Variants in BTF3L4 observed in about 807,000 individuals in gnomAD.
BTF3L4 encodes the protein transcription factor BTF3 homolog 4.
BTF3L4 carries 6 observed loss-of-function variants against 16.8 expected under a neutral mutation model. The ratio of observed to expected loss-of-function variants is 0.36; its 90% CI spans 0.20 to 0.71. BTF3L4 has a LOEUF of 0.71. Among genes scored for constraint, BTF3L4 ranks in the 30% least tolerant of loss-of-function variants. The probability of loss-of-function intolerance (pLI) is 0.58; values close to 1 mark genes in which losing one functional copy is unlikely to be tolerated. For missense variants in BTF3L4, 92 were observed against 186.9 expected, an observed-to-expected ratio of 0.49 and a Z score of 2.96; for synonymous variants, 39 against 59.8, an observed-to-expected ratio of 0.65 and a Z score of 1.60.
rs536099635 is a variant in BTF3L4 at position 52,059,964 on chromosome 1, C to T, written c.54+63C>T. 51 of 1,461,320 alleles carry T rather than the reference C, an allele frequency of 3.5e-5. No individual in the cohort carries two copies. The African/African-American group carries it at 5.2e-4, about 15-fold the overall frequency. 90.5% of individuals were successfully genotyped at this position (1,461,320 alleles called of 1,614,324 possible). On this transcript the variant is annotated intron_variant, in intron 2 of 5. Coordinates refer to ENST00000313334, the MANE Select transcript of BTF3L4 (RefSeq NM_152265.5). ...TGATTACCAGATAGTGTTATTATTT[C>T]GGATTTGTGGTCATTGAAAATCTAA...
At position 52,058,749 on chromosome 1, in the gene BTF3L4, G is replaced by A. The variant is rs150277558; in HGVS notation, c.-13-1086G>A. On this transcript the variant is annotated intron_variant, in intron 1 of 5. Transcript: ENST00000313334. ...TCTGAGTAGCTGGGATTACAGGCATGTGCCACCACGCCCGGCTAATTTTGT... is the reference window on the plus strand; with the variant it reads ...TCTGAGTAGCTGGGATTACAGGCATATGCCACCACGCCCGGCTAATTTTGT... 3.2e-3 allele frequency among the ~76,000 whole-genome samples: 485 copies of A among 152,234 alleles called. 5 individuals carry two copies. The highest frequency in any genetic ancestry group is 0.011 in the African/African-American group (460 of 41,540).
rs1350544637 is a variant in BTF3L4 at position 52,060,434 on chromosome 1, C to T, written c.54+533C>T. ...ATATTTTGTTCATTGCCAGGTTTTC[C>T]TCACAAATTCTTACCTGTTCTTCCA... On this transcript the variant is annotated intron_variant, in intron 2 of 5. Transcript: ENST00000313334. 9 of 1,259,660 alleles carry T rather than the reference C, an allele frequency of 7.1e-6. No individual in the cohort carries two copies. The East Asian group carries it at 3.4e-4, about 48-fold the overall frequency. The allele number at this position is 1,259,660 out of a possible 1,614,324, so 78.0% of individuals were successfully genotyped here.
intron 2 of BTF3L4, among the ~76,000 whole-genome samples, chr1:52,061,487 CAAA>C (rs1169709967): frequency 2.9e-4 from 14 of 48,154 alleles, no homozygotes; most frequent in African/African-American, 6.9e-4. Context: ...GACTCCGTCT[CAAA>C]AAAAAAAAAA....
chr1:52,079,477 G>A (rs1228167029), intron 3 of BTF3L4, among the ~76,000 whole-genome samples: 1 of 151,762 alleles, frequency 6.6e-6, no homozygotes. Flanking sequence ...TCCCTTTCTG[G>A]ACCTTTCTAT....
rs67186641 is a variant in BTF3L4 at position 52,061,635 on chromosome 1, C to CT, written c.54+1756dup. On this transcript the variant is annotated intron_variant, in intron 2 of 5. Transcript: ENST00000313334. The stretch of plus-strand genomic sequence containing the variant: ...CTTGCTTTAATATGGTACAGCTATT[C>CT]TTTTTTTTTTTTTTTTTTTTTTGAG... 9.7e-4 allele frequency among the ~76,000 whole-genome samples: 63 copies of CT among 64,986 alleles called. 1 individual carries two copies. Among genetic ancestry groups the CT allele is most frequent in the African/African-American group, 2.0e-3 (34 of 17,144 alleles). 42.6% of individuals were successfully genotyped at this position (64,986 alleles called of 152,430 possible).
At position 52,072,341 on chromosome 1, in the gene BTF3L4, C is replaced by T. The variant is rs1223877858; in HGVS notation, c.168+7403C>T. ...GTGCTGGATTACAGGCATGAGCCAC[C>T]GCGCCTGGCCAGCTGTTTTTAACTA... On this transcript the variant is annotated intron_variant, in intron 3 of 5. Transcript: ENST00000313334. Among the ~76,000 whole-genome samples the T allele has an allele frequency of 3.3e-5, 5 of 152,044 alleles. 1 individual carries two copies. The highest frequency in any genetic ancestry group is 1.2e-4 in the African/African-American group (5 of 41,402).
chr1:52,070,760 C>T (rs1204383034), intron 3 of BTF3L4, among the ~76,000 whole-genome samples: 1 of 150,978 alleles, frequency 6.6e-6, no homozygotes, highest in Non-Finnish European at 1.5e-5. Flanking sequence ...GCCTCAGCCT[C>T]CTGAGTGGCT....
At chr1:52,071,932 T>C (rs1001489631) in intron 3 of BTF3L4, among the ~76,000 whole-genome samples, 1 of 15,332 alleles carries the variant, frequency 6.5e-5, no homozygotes, top group Non-Finnish European at 1.3e-4. Flanking sequence ...TTTTTTACTC[T>C]GTGTGTGTGT....
intron 4 of BTF3L4, among the ~76,000 whole-genome samples, chr1:52,085,399 G>C (rs1461469819): frequency 6.6e-6 from 1 of 150,422 alleles, no homozygotes; most frequent in Non-Finnish European, 1.5e-5. Flanking sequence ...TTGAGACAGA[G>C]TCTGACTCTG....
At position 52,068,743 on chromosome 1, in the gene BTF3L4, C is replaced by G. The variant is rs375184986; in HGVS notation, c.168+3805C>G. On this transcript the variant is annotated intron_variant, in intron 3 of 5. Transcript: ENST00000313334. The stretch of plus-strand genomic sequence containing the variant: ...ACCTGCCTTATATAGGTACTGAGCA[C>G]CTACCATGCAGAATTCGTTCCTTAA... 1.6e-4 allele frequency among the ~76,000 whole-genome samples: 24 copies of G among 152,274 alleles called. 1 individual carries two copies. The South Asian group carries it at 4.8e-3, about 30-fold the overall frequency.
chr1:52,070,213 T>TA (rs66484875), intron 3 of BTF3L4, among the ~76,000 whole-genome samples: 9 of 140,560 alleles, frequency 6.4e-5, no homozygotes, highest in African/African-American at 1.8e-4. Context: ...CAAGACTGTC[T>TA]AAAAAAAAAA....
At chr1:52,060,625 A>G in intron 2 of BTF3L4, 17 of 1,103,498 alleles carry the variant, frequency 1.5e-5, no homozygotes, top group Non-Finnish European at 1.9e-5. Context: ...TGCAAAAGTG[A>G]AAGAAAGAAT....
chr1:52,087,793 T>C lies in BTF3L4; in HGVS notation c.*1035T>C, dbSNP rs1170826288. Reference sequence around the variant, plus strand: ...AATGTCCTTTTGAATCAGAAGAAAATAGGCCATAGACTCATCTCCCAGCAC... The same window carrying C: ...AATGTCCTTTTGAATCAGAAGAAAACAGGCCATAGACTCATCTCCCAGCAC... On this transcript the variant is annotated 3_prime_UTR_variant, in exon 6 of 6. Coordinates refer to ENST00000313334, the MANE Select transcript of BTF3L4 (RefSeq NM_152265.5). 1.3e-5 allele frequency: 2 copies of C among 152,588 alleles called. No individual in the cohort carries two copies. The highest frequency in any genetic ancestry group is 2.4e-5 in the African/African-American group (1 of 41,438). The allele number at this position is 152,588 out of a possible 1,614,324, so 9.5% of individuals were successfully genotyped here. A position where few individuals can be genotyped will look rare whatever the true frequency, so the allele number is the denominator to read the frequency against.
chr1:52,089,261 C>A lies in BTF3L4; in HGVS notation c.*2503C>A, dbSNP rs1643998163. 6.6e-6 allele frequency: 1 copy of A among 152,152 alleles called. No homozygotes were observed. Among genetic ancestry groups the A allele is most frequent in the Non-Finnish European group, 1.5e-5 (1 of 68,034 alleles). 9.4% of individuals were successfully genotyped at this position (152,152 alleles called of 1,614,324 possible). On this transcript the variant is annotated 3_prime_UTR_variant, in exon 6 of 6. Coordinates refer to ENST00000313334, the MANE Select transcript of BTF3L4 (RefSeq NM_152265.5). ...AGCTACTTATCTAGAGGATCTCTGG[C>A]CAAGTATTCCCTTTTATTGTATTGA...
At chr1:52,059,779 A>G (rs755290126) in intron 1 of BTF3L4, 56 bp from the exon 2 acceptor site, 255 of 1,514,116 alleles carry the variant, frequency 1.7e-4, no homozygotes, top group Non-Finnish European at 2.3e-4. Context: ...TTGCATAAAC[A>G]GTTTGTTAAT....
At chr1:52,067,043 C>T (rs1011791872) in intron 3 of BTF3L4, among the ~76,000 whole-genome samples, 3 of 151,900 alleles carry the variant, frequency 2.0e-5, no homozygotes, top group African/African-American at 4.8e-5. Context: ...TTGAGACCAG[C>T]CTGGCCAACA....
intron 3 of BTF3L4, among the ~76,000 whole-genome samples, chr1:52,074,965 C>G (rs1686894281): frequency 1.3e-5 from 2 of 151,922 alleles, no homozygotes; most frequent in Non-Finnish European, 2.9e-5. Flanking sequence ...CTATGTTGCC[C>G]AGGCTGGTCT....
rs567127390 is a variant in BTF3L4, at chr1:52,084,536, A to G, written c.370+995A>G. ...GCTGGGCGCAGTGGCTCACTCCTGT[A>G]ATACCAGCACTTTGTGATGCTGAGG... On this transcript the variant is annotated intron_variant, in intron 4 of 5. Coordinates refer to ENST00000313334, the MANE Select transcript of BTF3L4 (RefSeq NM_152265.5). 2.6e-5 allele frequency among the ~76,000 whole-genome samples: 4 copies of G among 152,230 alleles called. No individual in the cohort carries two copies. The South Asian group carries it at 8.3e-4, about 32-fold the overall frequency.
chr1:52,079,134 A>G (rs1455241457), intron 3 of BTF3L4, among the ~76,000 whole-genome samples: 1 of 152,212 alleles, frequency 6.6e-6, no homozygotes, highest in Non-Finnish European at 1.5e-5. Flanking sequence ...CAGCCAAACA[A>G]TTCATCGTTT....
Sources: allele counts gnomAD v4.1 joint callset (sites outside exome capture counted in the v4.1 genomes callset), GRCh38; gene constraint gnomAD v4.1.1; transcripts MANE v1.5; gene names NCBI Gene and HGNC (gene_info 2026-07-23, HGNC 2026-07-21).